CEP162: variants seen among roughly 807,000 people sequenced by gnomAD.
CEP162 encodes centrosomal protein 162.
CEP162 carries 141 observed loss-of-function variants against 169.2 expected under a neutral mutation model. The ratio of observed to expected loss-of-function variants is 0.83; its 90% confidence interval spans 0.73 to 0.96. The LOEUF (loss-of-function observed/expected upper bound fraction) is 0.96, where lower values mean the gene tolerates loss of function less well. Among genes scored for constraint, CEP162 ranks in the 40% least tolerant of loss-of-function variants. The pLI, the probability that CEP162 is intolerant of heterozygous loss-of-function variation, is 0.00. For missense variants in CEP162, 1,600 were observed against 1,587.2 expected (o/e 1.01, Z -0.14); for synonymous variants, 540 against 526.4 (o/e 1.03, Z -0.35).
chr6:84,201,792 A>T lies in CEP162; in HGVS notation c.688-25T>A, dbSNP rs1286703613. The T allele has an allele frequency of 2.4e-6, 3 of 1,243,568 alleles. No individual in the cohort carries two copies. The African/African-American group carries it at 4.6e-5, about 19-fold the overall frequency. The allele number at this position is 1,243,568 out of a possible 1,614,324, so 77.0% of individuals were successfully genotyped here. ...CCTAAATTAAAAAAGGAAAATGATG[A>T]TATGTTTTGAAACCAAAATTATGTA... On this transcript the variant is annotated intron_variant, in intron 7 of 26. Coordinates refer to ENST00000403245, the MANE Select transcript of CEP162 (RefSeq NM_014895.4).
intron 25 of CEP162, among the ~76,000 whole-genome samples, chr6:84,130,557 G>T (rs765861932): frequency 8.5e-5 from 13 of 152,160 alleles, no homozygotes; most frequent in Non-Finnish European, 1.5e-4. Flanking sequence ...TCTATTCAGG[G>T]ATTCGACTTC....
chr6:84,214,251 C>T (rs2099550687), intron 5 of CEP162, among the ~76,000 whole-genome samples: 1 of 152,192 alleles, frequency 6.6e-6, no homozygotes. Context: ...TGCACTCCAG[C>T]CTGGGCGACA....
intron 9 of CEP162, among the ~76,000 whole-genome samples, chr6:84,197,825 C>CAAAAAAAAA (rs564556727): frequency 4.7e-5 from 3 of 64,156 alleles, no homozygotes; most frequent in Non-Finnish European, 7.9e-5. Context: ...TCAAACAAAA[C>CAAAAAAAAA]AAAAAAAAAA....
chr6:84,223,475 G>A (rs2099554532), intron 2 of CEP162, among the ~76,000 whole-genome samples: 1 of 149,860 alleles, frequency 6.7e-6, no homozygotes, highest in African/African-American at 2.5e-5. Flanking sequence ...CTCCAGCCTG[G>A]GTGACAGAGC....
chr6:84,147,475 G>A (rs2099519391), intron 24 of CEP162, among the ~76,000 whole-genome samples: 1 of 152,098 alleles, frequency 6.6e-6, no homozygotes, highest in Non-Finnish European at 1.5e-5. Flanking sequence ...ACGGTAACTA[G>A]AAGAGAGAGT....
rs754397504 is a variant in CEP162, at chr6:84,215,482, A to G, written c.320-17T>C. 2.0e-6 allele frequency: 3 copies of G among 1,525,116 alleles called. No individual in the cohort carries two copies. The Admixed American group carries it at 6.5e-5, about 33-fold the overall frequency. The allele number at this position is 1,525,116 out of a possible 1,614,324, so 94.5% of individuals were successfully genotyped here. On this transcript the variant is annotated splice_polypyrimidine_tract_variant and intron_variant, in intron 4 of 26. Transcript: ENST00000403245. Reference sequence around the variant, plus strand: ...CTACTAGTTCTAAATGGAAAGCACAAATATATTTTAGTAATATACAGAATT... The same window carrying G: ...CTACTAGTTCTAAATGGAAAGCACAGATATATTTTAGTAATATACAGAATT...
intron 23 of CEP162, among the ~76,000 whole-genome samples, chr6:84,151,103 A>T (rs1402389397): frequency 6.6e-6 from 1 of 152,166 alleles, no homozygotes; most frequent in Non-Finnish European, 1.5e-5. Context: ...GCATGAGGAA[A>T]TGTGACAGAT....
intron 7 of CEP162, among the ~76,000 whole-genome samples, chr6:84,203,761 T>G (rs2099545595): frequency 6.6e-6 from 1 of 152,168 alleles, no homozygotes; most frequent in Non-Finnish European, 1.5e-5. Context: ...CAAAAATCTC[T>G]CATAAAATCA....
At chr6:84,160,574 A>G (rs1201817139) in intron 21 of CEP162, among the ~76,000 whole-genome samples, 10 of 152,196 alleles carry the variant, frequency 6.6e-5, no homozygotes, top group Admixed American at 3.9e-4. Flanking sequence ...GAGCTAGGGT[A>G]CCAAATAACC....
At chr6:84,182,042 TTATAGA>T (rs993359064) in intron 13 of CEP162, among the ~76,000 whole-genome samples, 3 of 152,098 alleles carry the variant, frequency 2.0e-5, no homozygotes, top group African/African-American at 4.8e-5. Flanking sequence ...CTTTTTCTTC[TTATAGA>T]TATAAGTAAA....
chr6:84,134,217 T>C (rs1388229501), intron 25 of CEP162, among the ~76,000 whole-genome samples: 3 of 152,286 alleles, frequency 2.0e-5, no homozygotes, highest in East Asian at 1.9e-4. Flanking sequence ...CCCACCAAGC[T>C]TGAGCATCCC....
chr6:84,178,265 G>GTT (rs933285654), intron 13 of CEP162, among the ~76,000 whole-genome samples: 1 of 150,812 alleles, frequency 6.6e-6, no homozygotes, highest in South Asian at 2.1e-4. Context: ...ATGGTATGGT[G>GTT]TTTTTTTTTA....
At chr6:84,169,491 T>C (rs2099529137) in intron 17 of CEP162, 58 bp from the exon 18 acceptor site, 1 of 954,412 alleles carries the variant, frequency 1.0e-6, no homozygotes. Flanking sequence ...CTCCTTTCAG[T>C]AGAAAATATT....
intron 6 of CEP162, among the ~76,000 whole-genome samples, chr6:84,205,089 A>G (rs554994529): frequency 5.9e-5 from 9 of 152,350 alleles, no homozygotes. Context: ...TTAATAGCCT[A>G]CCAACCAAAA....
At chr6:84,187,957 T>C (rs927943808) in intron 11 of CEP162, among the ~76,000 whole-genome samples, 1 of 152,160 alleles carries the variant, frequency 6.6e-6, no homozygotes, top group Admixed American at 6.5e-5. Flanking sequence ...AAATGGGTTC[T>C]CTCTCTGTAG....
intron 25 of CEP162, among the ~76,000 whole-genome samples, chr6:84,131,403 T>A (rs2099511372): frequency 6.6e-6 from 1 of 152,188 alleles, no homozygotes; most frequent in African/African-American, 2.4e-5. Flanking sequence ...AATATCCTTG[T>A]TAACTTTCTG....
intron 25 of CEP162, among the ~76,000 whole-genome samples, chr6:84,135,323 T>G (rs73750519): frequency 0.044 from 6,688 of 152,236 alleles, 475 homozygotes; most frequent in African/African-American, 0.15. Context: ...AAAAGAGTGA[T>G]TCACCCAGAT....
chr6:84,178,680 T>C (rs937470730), intron 13 of CEP162, among the ~76,000 whole-genome samples: 1 of 152,200 alleles, frequency 6.6e-6, no homozygotes, highest in Non-Finnish European at 1.5e-5. Flanking sequence ...AAATTTTTTA[T>C]TTAAGTTCTA....
intron 6 of CEP162, among the ~76,000 whole-genome samples, chr6:84,205,540 T>C (rs982146076): frequency 1.3e-5 from 2 of 152,080 alleles, no homozygotes; most frequent in Non-Finnish European, 2.9e-5. Context: ...TAAAAACTCT[T>C]AATAAACTAG....
Sources: allele counts gnomAD v4.1 joint callset (sites outside exome capture counted in the v4.1 genomes callset), GRCh38; gene constraint gnomAD v4.1.1; transcripts MANE v1.5; gene names NCBI Gene and HGNC (gene_info 2026-07-23, HGNC 2026-07-21).